Variants in TTLL11 observed in about 807,000 individuals in gnomAD.
TTLL11 encodes tubulin tyrosine ligase like 11, also known as tubulin polyglutamylase TTLL11.
TTLL11 carries 42 observed loss-of-function variants against 51.7 expected under a neutral mutation model. That is an observed-to-expected ratio of 0.81 (90% CI 0.64 to 1.05). The LOEUF (loss-of-function observed/expected upper bound fraction) is 1.05. TTLL11 is among the 50% of genes least tolerant of loss of function. The pLI is 0.00. For synonymous variants in TTLL11, 381 were observed against 383.5 expected (o/e 0.99, Z 0.08); for missense variants, 799 against 940.4 (o/e 0.85, Z 1.97).
intron 7 of TTLL11, among the ~76,000 whole-genome samples, chr9:121,868,789 T>C (rs374943523): frequency 1.9e-4 from 29 of 152,250 alleles, no homozygotes; most frequent in African/African-American, 6.5e-4. Flanking sequence ...GAGAGTATCA[T>C]GTCAGGCAGT....
intron 8 of TTLL11, among the ~76,000 whole-genome samples, chr9:121,848,365 T>C (rs1216071832): frequency 2.0e-5 from 3 of 152,086 alleles, no homozygotes; most frequent in Admixed American, 6.5e-5. Context: ...GTCCCCCCCC[T>C]TACCATTCCT....
chr9:121,934,907 G>T (rs1283110605), intron 6 of TTLL11, among the ~76,000 whole-genome samples: 1 of 152,042 alleles, frequency 6.6e-6, no homozygotes, highest in Non-Finnish European at 1.5e-5. Context: ...GAAGTATGTG[G>T]CAGTGATGAA....
intron 6 of TTLL11, among the ~76,000 whole-genome samples, chr9:121,912,262 G>A (rs1840153547): frequency 6.6e-6 from 1 of 152,164 alleles, no homozygotes; most frequent in Non-Finnish European, 1.5e-5. Flanking sequence ...TTCTGGTATG[G>A]AGGCCATGTG....
At chr9:122,036,948 C>A (rs1844720149) in intron 2 of TTLL11, among the ~76,000 whole-genome samples, 1 of 152,130 alleles carries the variant, frequency 6.6e-6, no homozygotes, top group African/African-American at 2.4e-5. Context: ...GTGGAAAAGT[C>A]TATGTTCCAA....
chr9:121,881,701 C>T (rs1186525596), intron 6 of TTLL11, among the ~76,000 whole-genome samples: 3 of 152,162 alleles, frequency 2.0e-5, no homozygotes, highest in African/African-American at 4.8e-5. Context: ...TGCACTGATG[C>T]GAATGAGGCC....
At chr9:121,892,649 C>T (rs995354537) in intron 6 of TTLL11, among the ~76,000 whole-genome samples, 4 of 152,130 alleles carry the variant, frequency 2.6e-5, no homozygotes, top group Admixed American at 6.6e-5. Context: ...TTTTCTGCAA[C>T]CCAAACAGAA....
At chr9:121,940,532 T>A (rs1841414169) in intron 6 of TTLL11, among the ~76,000 whole-genome samples, 1 of 152,088 alleles carries the variant, frequency 6.6e-6, no homozygotes, top group Admixed American at 6.6e-5. Flanking sequence ...GAGACGGGGT[T>A]TCACTATGTT....
chr9:121,964,481 A>G (rs1295606353), intron 6 of TTLL11, among the ~76,000 whole-genome samples: 1 of 152,052 alleles, frequency 6.6e-6, no homozygotes, highest in Non-Finnish European at 1.5e-5. Context: ...TATTTTTAGT[A>G]GAGATGGGGT....
intron 7 of TTLL11, among the ~76,000 whole-genome samples, chr9:121,861,967 T>C (rs1030999522): frequency 6.6e-6 from 1 of 152,192 alleles, no homozygotes; most frequent in Non-Finnish European, 1.5e-5. Flanking sequence ...TGACACAGAA[T>C]TGCTGGGGAG....
chr9:121,815,946 G>T lies in TTLL11; in HGVS notation c.*6641C>A, dbSNP rs909029036. On this transcript the variant is annotated 3_prime_UTR_variant, in exon 9 of 9. Transcript: ENST00000321582. ...GTCAGGGGCGTGGAGGTGGGCAGAC[G>T]TATTTCCTGGCATCCGTCTTGTTTC... The T allele has an allele frequency of 6.6e-6, 1 of 152,198 alleles. No homozygotes were observed. The highest frequency in any genetic ancestry group is 2.4e-5 in the African/African-American group (1 of 41,444). The allele number at this position is 152,198 out of a possible 1,614,324, so 9.4% of individuals were successfully genotyped here.
intron 6 of TTLL11, among the ~76,000 whole-genome samples, chr9:121,962,934 G>A (rs1205825355): frequency 1.3e-5 from 2 of 152,228 alleles, no homozygotes; most frequent in Non-Finnish European, 2.9e-5. Flanking sequence ...GGATAGGCAT[G>A]AACCCAACCA....
At chr9:121,846,181 C>CA (rs1837511342) in intron 8 of TTLL11, among the ~76,000 whole-genome samples, 1 of 152,102 alleles carries the variant, frequency 6.6e-6, no homozygotes, top group Non-Finnish European at 1.5e-5. Flanking sequence ...GGAAAATTAT[C>CA]AGGGATAAAG....
intron 6 of TTLL11, among the ~76,000 whole-genome samples, chr9:121,912,894 T>C (rs1433543255): frequency 6.6e-6 from 1 of 151,890 alleles, no homozygotes; most frequent in Non-Finnish European, 1.5e-5. Flanking sequence ...TTAAGAGACT[T>C]GGCCAATATC....
At position 121,820,373 on chromosome 9, in the gene TTLL11, C is replaced by T. The variant is rs1252981212; in HGVS notation, c.*2214G>A. On this transcript the variant is annotated 3_prime_UTR_variant, in exon 9 of 9. Transcript: ENST00000321582. ...CCAGCTGATGACAAGTGTGCCCAGA[C>T]ATGCTTACTCTGGTCTTTCTCTGGG... 6.6e-6 allele frequency among the ~76,000 whole-genome samples: 1 copy of T among 152,180 alleles called. No individual in the cohort carries two copies. The highest frequency in any genetic ancestry group is 1.5e-5 in the Non-Finnish European group (1 of 68,032).
At chr9:122,019,575 G>A (rs1045027734) in intron 3 of TTLL11, among the ~76,000 whole-genome samples, 5 of 152,054 alleles carry the variant, frequency 3.3e-5, no homozygotes, top group African/African-American at 7.2e-5. Context: ...TCAGCCTCCC[G>A]AGTAGGTGGG....
At chr9:121,908,925 C>CT (rs1242466021) in intron 6 of TTLL11, among the ~76,000 whole-genome samples, 1 of 152,184 alleles carries the variant, frequency 6.6e-6, no homozygotes, top group African/African-American at 2.4e-5. Context: ...TTCTGAGTTA[C>CT]TTGGGGTTAG....
chr9:121,848,891 C>T (rs1837590416), intron 8 of TTLL11, among the ~76,000 whole-genome samples: 1 of 152,154 alleles, frequency 6.6e-6, no homozygotes, highest in Non-Finnish European at 1.5e-5. Context: ...GATATTGACA[C>T]ACTAATTCAA....
intron 6 of TTLL11, among the ~76,000 whole-genome samples, chr9:121,917,553 AAAAG>A (rs553060411): frequency 0.046 from 6,663 of 144,918 alleles, 206 homozygotes; most frequent in African/African-American, 0.077. Flanking sequence ...AAGAAAAAGA[AAAAG>A]AAAGAAAGAA....
At position 122,092,774 on chromosome 9, in the gene TTLL11, G is replaced by C; in HGVS notation, c.375C>G (p.Ser125=). 1 of 1,539,556 alleles carries C rather than the reference G, an allele frequency of 6.5e-7. No individual in the cohort carries two copies. The highest frequency in any genetic ancestry group is 8.7e-7 in the Non-Finnish European group (1 of 1,148,462). ...SSGHGSGENG[S]QRPVTVDSSK... is the part of the protein sequence containing the mutation. The stretch of plus-strand genomic sequence containing the variant: ...AGCTGTCCACGGTGACCGGCCGCTG[G>C]GAGCCGTTCTCGCCGGAACCGTGGC... The change falls in exon 1 of 9, where the codon TCC becomes TCG. Residue 125 remains serine, a synonymous_variant. Coordinates refer to ENST00000321582, the MANE Select transcript of TTLL11 (RefSeq NM_001139442.2).
Sources: allele counts gnomAD v4.1 joint callset (sites outside exome capture counted in the v4.1 genomes callset), GRCh38; gene constraint gnomAD v4.1.1; transcripts MANE v1.5; gene names NCBI Gene and HGNC (gene_info 2026-07-23, HGNC 2026-07-21).